The following ZNF705G variants were observed in gnomAD, a reference collection of about 807,000 sequenced individuals.
ZNF705G encodes the protein zinc finger protein 705G, also known as putative zinc finger protein 705G.
A neutral mutation model predicts 19.6 loss-of-function variants in ZNF705G; 23 were observed. The observed-to-expected ratio is 1.17, with a 90% confidence interval of 0.84 to 1.66. The LOEUF (loss-of-function observed/expected upper bound fraction) is 1.66, where lower values mean the gene tolerates loss of function less well. Ranked by LOEUF, ZNF705G falls within the 40% of genes most tolerant of loss-of-function variation. The probability of loss-of-function intolerance (pLI) is 0.00; values close to 1 mark genes in which losing one functional copy is unlikely to be tolerated. For missense variants in ZNF705G, 457 were observed against 354.4 expected (o/e 1.29, Z -2.32); for synonymous variants, 146 against 117.7 (o/e 1.24, Z -1.56).
At chr8:7,369,155 C>G (rs1313921228) in intron 2 of ZNF705G, among the ~76,000 whole-genome samples, 1 of 149,384 alleles carries the variant, frequency 6.7e-6, no homozygotes, top group African/African-American at 2.6e-5. Context: ...AAACTGCCCC[C>G]ATGATTCAGT....
chr8:7,383,542 G>A (rs1807599867), intron 1 of ZNF705G, among the ~76,000 whole-genome samples: 1 of 146,546 alleles, frequency 6.8e-6, no homozygotes, highest in Non-Finnish European at 1.5e-5. Context: ...AATTGACAGA[G>A]GGAGGAAGGA....
chr8:7,382,811 T>C lies in ZNF705G; in HGVS notation c.-221-1210A>G, dbSNP rs1361944377. ...CTCTCTTCTTTTCAAATTTCAGTAGTTTTTGGGGTACAGATAGTTTTTTGT... is the reference window on the plus strand; with the variant it reads ...CTCTCTTCTTTTCAAATTTCAGTAGCTTTTGGGGTACAGATAGTTTTTTGT... On this transcript the variant is annotated intron_variant, in intron 1 of 6. Transcript: ENST00000400156. Among the ~76,000 whole-genome samples the C allele has an allele frequency of 1.6e-4, 24 of 146,788 alleles. 4 individuals carry two copies. Among genetic ancestry groups the C allele is most frequent in the African/African-American group, 6.6e-4 (24 of 36,278 alleles).
chr8:7,362,054 C>T (rs1394519397), intron 3 of ZNF705G, among the ~76,000 whole-genome samples: 2 of 149,502 alleles, frequency 1.3e-5, no homozygotes, highest in African/African-American at 5.1e-5. Context: ...GCAATCCAAA[C>T]ATCAGTTATC....
chr8:7,358,172 A>T lies in ZNF705G; in HGVS notation c.707T>A (p.Val236Asp), dbSNP rs9693671. Residue 236 changes from valine (V) to aspartate (D), a missense_variant, in exon 7 of 7, where the codon GTC (valine) becomes GAC (aspartate). Coordinates refer to ENST00000400156, the MANE Select transcript of ZNF705G (RefSeq NM_001164457.3). ...RPYKCHQYGK[V>D]FIQSFNLQRH... ...TTGAAGGTTAAAGGATTGAATAAAG[A>T]CTTTCCCATATTGATGACACTTATA... is the stretch of plus-strand genomic sequence containing the variant. The T allele has an allele frequency of 1.9e-6, 3 of 1,605,376 alleles. No individual in the cohort carries two copies. Among genetic ancestry groups the T allele is most frequent in the East Asian group, 2.2e-5 (1 of 44,788 alleles).
chr8:7,358,306 C>A lies in ZNF705G; in HGVS notation c.573G>T (p.Lys191Asn), dbSNP rs745536148. Residue 191 changes from lysine to asparagine, a missense_variant, in exon 7 of 7, where the codon AAG (lysine) becomes AAT (asparagine). Transcript: ENST00000400156. ...YTNCFHLRRH[K>N]MTHTGERPYA... is the part of the protein sequence containing the mutation. The stretch of plus-strand genomic sequence containing the variant: ...ATGGCCTCTCTCCAGTGTGAGTCAT[C>A]TTGTGCCGTCTAAGGTGAAAGCAAT... The A allele has an allele frequency of 2.5e-6, 4 of 1,607,676 alleles. No homozygotes were observed. Among genetic ancestry groups the A allele is most frequent in the Admixed American group, 1.7e-5 (1 of 59,930 alleles).
rs553720563 is a variant in ZNF705G at position 7,383,382 on chromosome 8, C to G, written c.-221-1781G>C. ...TTTATATTGTTTCTACATCTCTCTT[C>G]TTCTCTACACTGTGAGCTTCTAAAG... On this transcript the variant is annotated intron_variant, in intron 1 of 6. Coordinates refer to ENST00000400156, the MANE Select transcript of ZNF705G (RefSeq NM_001164457.3). Among the ~76,000 whole-genome samples the G allele has an allele frequency of 4.1e-5, 6 of 146,626 alleles. No homozygotes were observed. In the South Asian group the frequency reaches 1.3e-3, roughly 31 times the overall value.
intron 2 of ZNF705G, among the ~76,000 whole-genome samples, chr8:7,366,459 A>G (rs1244113665): frequency 4.0e-5 from 6 of 149,730 alleles, no homozygotes; most frequent in Admixed American, 6.6e-5. Context: ...ATATTTAGAT[A>G]CAATAAAATA....
Position 7,366,659 on chromosome 8 carries a change from C to T in ZNF705G, c.-71-3642G>A, listed in dbSNP as rs1377567064. 9.4e-5 allele frequency among the ~76,000 whole-genome samples: 14 copies of T among 149,526 alleles called. 1 individual carries two copies. The highest frequency in any genetic ancestry group is 2.1e-4 in the South Asian group (1 of 4,786). The stretch of plus-strand genomic sequence containing the variant: ...ATCCATGGACAAATTATTTGCTGTA[C>T]GTTATTTTTAAAAAATAATCTAAGT... On this transcript the variant is annotated intron_variant, in intron 2 of 6. Transcript: ENST00000400156.
rs1352742391 is a variant in ZNF705G, at chr8:7,380,886, G to A, written c.-72+566C>T. On this transcript the variant is annotated intron_variant, in intron 2 of 6. Coordinates refer to ENST00000400156, the MANE Select transcript of ZNF705G (RefSeq NM_001164457.3). ...GACAAAATTAGCTGGGCATGGAGGC[G>A]CATGCCTGTAATCCCAGCTACTCTG... 3.5e-4 allele frequency among the ~76,000 whole-genome samples: 49 copies of A among 141,570 alleles called. 1 individual carries two copies. Among genetic ancestry groups the A allele is most frequent in the Admixed American group, 2.0e-3 (29 of 14,864 alleles). 92.9% of individuals were successfully genotyped at this position (141,570 alleles called of 152,430 possible).
chr8:7,380,218 CT>C (rs1225178336), intron 2 of ZNF705G, among the ~76,000 whole-genome samples: 1 of 143,784 alleles, frequency 7.0e-6, no homozygotes, highest in Non-Finnish European at 1.5e-5. Context: ...TGCAGGCATC[CT>C]CAGGGGACCT....
intron 2 of ZNF705G, among the ~76,000 whole-genome samples, chr8:7,367,219 G>A (rs1416057005): frequency 6.0e-5 from 9 of 149,446 alleles, no homozygotes; most frequent in Non-Finnish European, 1.0e-4. Flanking sequence ...CTTGTTACAG[G>A]TAGAAGAGCA....
At chr8:7,367,054 G>GT (rs1345387812) in intron 2 of ZNF705G, among the ~76,000 whole-genome samples, 7 of 149,692 alleles carry the variant, frequency 4.7e-5, no homozygotes, top group African/African-American at 1.5e-4. Flanking sequence ...GGAGGAGGCA[G>GT]TTAAAATAAT....
rs577252045 is a variant in ZNF705G at position 7,371,488 on chromosome 8, T to A, written c.-71-8471A>T. Among the ~76,000 whole-genome samples, 49 of 90,662 alleles carry A rather than the reference T, an allele frequency of 5.4e-4. 1 individual carries two copies. The highest frequency in any genetic ancestry group is 2.2e-3 in the African/African-American group (48 of 22,134). 59.5% of individuals were successfully genotyped at this position (90,662 alleles called of 152,430 possible). ...TTACCAATATTTCTTACCAAAAAAATAATAATAATAAAGGGGAGGGGACTT... is the reference window on the plus strand; with the variant it reads ...TTACCAATATTTCTTACCAAAAAAAAAATAATAATAAAGGGGAGGGGACTT... On this transcript the variant is annotated intron_variant, in intron 2 of 6. Transcript: ENST00000400156.
At position 7,364,365 on chromosome 8, in the gene ZNF705G, A is replaced by T. The variant is rs557027198; in HGVS notation, c.-71-1348T>A. Among the ~76,000 whole-genome samples, 72 of 149,880 alleles carry T rather than the reference A, an allele frequency of 4.8e-4. 5 individuals carry two copies. The highest frequency in any genetic ancestry group is 1.0e-3 in the African/African-American group (41 of 39,252). ...GACCCATTTGTACATGAAGTCCAGG[A>T]AAAATAAAAAGAGTAACTTTGTATT... On this transcript the variant is annotated intron_variant, in intron 2 of 6. Coordinates refer to ENST00000400156, the MANE Select transcript of ZNF705G (RefSeq NM_001164457.3).
At chr8:7,361,897 C>T (rs1307182533) in intron 3 of ZNF705G, among the ~76,000 whole-genome samples, 27 of 149,578 alleles carry the variant, frequency 1.8e-4, no homozygotes, top group Non-Finnish European at 2.4e-4. Context: ...TATATAGTCT[C>T]TCTAATGTTA....
intron 2 of ZNF705G, among the ~76,000 whole-genome samples, chr8:7,366,099 A>G (rs1806842698): frequency 6.7e-6 from 1 of 149,346 alleles, no homozygotes. Flanking sequence ...AAAAGAGAAT[A>G]GATTTTTTTA....
At chr8:7,363,845 G>A (rs1439558561) in intron 2 of ZNF705G, among the ~76,000 whole-genome samples, 10 of 149,126 alleles carry the variant, frequency 6.7e-5, no homozygotes, top group African/African-American at 2.6e-4. Flanking sequence ...GTTTTAGGAT[G>A]GGGATAATCA....
At chr8:7,368,847 G>A (rs532382468) in intron 2 of ZNF705G, among the ~76,000 whole-genome samples, 23 of 149,688 alleles carry the variant, frequency 1.5e-4, no homozygotes, top group Middle Eastern at 3.4e-3. Context: ...TTGGGCCACC[G>A]CTTTAGAGGG....
At chr8:7,366,079 A>G (rs1278308078) in intron 2 of ZNF705G, among the ~76,000 whole-genome samples, 4 of 149,648 alleles carry the variant, frequency 2.7e-5, no homozygotes, top group East Asian at 3.9e-4. Flanking sequence ...AGCAAAGATC[A>G]CCACAGAGTA....
Sources: allele counts gnomAD v4.1 joint callset (sites outside exome capture counted in the v4.1 genomes callset), GRCh38; gene constraint gnomAD v4.1.1; transcripts MANE v1.5; gene names NCBI Gene and HGNC (gene_info 2026-07-23, HGNC 2026-07-21).